The following RPN2 variants were observed in gnomAD, a reference collection of about 807,000 sequenced individuals.
RPN2 encodes dolichyl-diphosphooligosaccharide--protein glycosyltransferase subunit 2.
In RPN2, 29 loss-of-function variants were observed where a neutral mutation model predicts 71.4. The ratio of observed to expected loss-of-function variants is 0.41; its 90% CI spans 0.30 to 0.55. RPN2 has a LOEUF of 0.55. RPN2 is among the 20% of genes least tolerant of loss of function. The pLI is 0.35. For missense variants in RPN2, 726 were observed against 774.1 expected, an observed-to-expected ratio of 0.94 and a Z score of 0.74; for synonymous variants, 308 against 305.0, an observed-to-expected ratio of 1.01 and a Z score of -0.10.
chr20:37,191,800 T>C (rs959230687), intron 2 of RPN2, among the ~76,000 whole-genome samples: 6 of 152,086 alleles, frequency 3.9e-5, no homozygotes, highest in African/African-American at 1.4e-4. Context: ...ATTAAGAACA[T>C]GCTGGGCACA....
intron 2 of RPN2, among the ~76,000 whole-genome samples, chr20:37,191,380 G>T (rs1204583976): frequency 2.0e-5 from 3 of 151,636 alleles, no homozygotes; most frequent in Non-Finnish European, 4.4e-5. Flanking sequence ...GGAGGCCGAG[G>T]CAGGAGAATT....
At chr20:37,185,240 A>G (rs545592511) in intron 2 of RPN2, among the ~76,000 whole-genome samples, 1 of 151,552 alleles carries the variant, frequency 6.6e-6, no homozygotes, top group Admixed American at 6.6e-5. Flanking sequence ...CCTGGGCTCA[A>G]GCCATCCACC....
At chr20:37,226,286 T>C (rs2068075031) in intron 11 of RPN2, among the ~76,000 whole-genome samples, 1 of 152,174 alleles carries the variant, frequency 6.6e-6, no homozygotes, top group South Asian at 2.1e-4. Flanking sequence ...TTGGCCAGGC[T>C]GTTCTCATCT....
At chr20:37,239,643 A>G (rs6073777) in intron 16 of RPN2, among the ~76,000 whole-genome samples, 49,834 of 151,972 alleles carry the variant, frequency 0.33, 10,076 homozygotes, top group South Asian at 0.46. Context: ...ATCTGCAGAA[A>G]AATGTACCCT....
intron 6 of RPN2, among the ~76,000 whole-genome samples, chr20:37,205,211 T>G (rs1267156183): frequency 6.6e-6 from 1 of 151,916 alleles, no homozygotes; most frequent in Non-Finnish European, 1.5e-5. Context: ...CAGTACCCTT[T>G]TCTGCTTGTC....
chr20:37,184,291 AT>A lies in RPN2; in HGVS notation c.126del (p.Arg43AlafsTer90). 6.2e-7 allele frequency: 1 copy of A among 1,614,170 alleles called. No individual in the cohort carries two copies. Among genetic ancestry groups the A allele is most frequent in the Non-Finnish European group, 8.5e-7 (1 of 1,180,024 alleles). On this transcript the variant is annotated frameshift_variant, in exon 2 of 17. Transcript: ENST00000237530. LOFTEE classifies it high-confidence loss of function. ...GTGGAGAGACTAAAAGCCTCGCTGG[AT>A]CGCCCTTTCACAAATTTGGAATCTG... Reference protein sequence around the residue: ...HDVERLKASLDRPFTNLESAF... With the variant: ...HDVERLKASLXRPFTNLESAF...
At chr20:37,228,839 C>G in intron 12 of RPN2, 95 bp downstream of exon 12, 1 of 1,145,200 alleles carries the variant, frequency 8.7e-7, no homozygotes, top group Non-Finnish European at 1.3e-6. Context: ...TCACCTTCGC[C>G]TTGCCTGTGC....
rs146714866 is a variant in RPN2, at chr20:37,198,625, AT to A, written c.303+143del. ...TGTGAGTGGGAATTCCATTCCTGTG[AT>A]TTTTTTTTTCCTTAAGAAAGTATAG... On this transcript the variant is annotated intron_variant, in intron 3 of 16. Transcript: ENST00000237530. 1.5e-3 allele frequency: 1,860 copies of A among 1,221,546 alleles called. 27 individuals carry two copies. In the African/African-American group the frequency reaches 0.025, roughly 17 times the overall value. 75.7% of individuals were successfully genotyped at this position (1,221,546 alleles called of 1,614,324 possible).
chr20:37,186,901 C>A lies in RPN2; in HGVS notation c.207+2528C>A, dbSNP rs1436440321. Among the ~76,000 whole-genome samples, 38 of 152,164 alleles carry A rather than the reference C, an allele frequency of 2.5e-4. 1 individual carries two copies. The highest frequency in any genetic ancestry group is 4.4e-5 in the Non-Finnish European group (3 of 68,028). ...CTTCATGATGTTTTTGAACATATTT[C>A]CCTATCCTTTGTATCCCTGTAAACT... On this transcript the variant is annotated intron_variant, in intron 2 of 16. Transcript: ENST00000237530.
At chr20:37,219,756 T>C (rs749959310) in intron 9 of RPN2, among the ~76,000 whole-genome samples, 4 of 152,238 alleles carry the variant, frequency 2.6e-5, no homozygotes, top group Non-Finnish European at 5.9e-5. Context: ...TGGTGTGATG[T>C]AGGGGGTCCA....
rs1244440111 is a variant in RPN2, at chr20:37,213,793, A to T, written c.1020A>T (p.Lys340Asn). The change falls in exon 9 of 17, where the codon AAA becomes AAT. Residue 340 changes from lysine to asparagine, a missense_variant. Transcript: ENST00000237530. ...TTGAACTAAATTTCATGAACGTCAA[A>T]TTTTCCAGTGGTTATTATGACTTCC... Reference protein sequence around the residue: ...DVFELNFMNVKFSSGYYDFLV... With the variant: ...DVFELNFMNVNFSSGYYDFLV... 2 of 1,614,124 alleles carry T rather than the reference A, an allele frequency of 1.2e-6. No individual in the cohort carries two copies.
chr20:37,211,863 A>G (rs1245647066), intron 8 of RPN2, among the ~76,000 whole-genome samples: 1 of 151,698 alleles, frequency 6.6e-6, no homozygotes, highest in Non-Finnish European at 1.5e-5. Context: ...CCAGCCTCCT[A>G]AGTAGCTGGG....
At chr20:37,193,829 G>A (rs939899681) in intron 2 of RPN2, among the ~76,000 whole-genome samples, 8 of 152,164 alleles carry the variant, frequency 5.3e-5, no homozygotes, top group African/African-American at 1.9e-4. Flanking sequence ...AGAAGTCTGG[G>A]CTGGAGGTAC....
At chr20:37,211,513 C>T (rs1055597072) in intron 8 of RPN2, among the ~76,000 whole-genome samples, 11 of 151,324 alleles carry the variant, frequency 7.3e-5, no homozygotes, top group East Asian at 4.0e-4. Flanking sequence ...TGGTGGTGCA[C>T]GCCTGTATTC....
intron 4 of RPN2, 62 bp from the exon 5 acceptor site, chr20:37,203,823 G>C (rs1340763057): frequency 1.7e-6 from 2 of 1,143,680 alleles, no homozygotes; most frequent in Non-Finnish European, 2.7e-6. Flanking sequence ...CCAAGTACGG[G>C]AAGGGGTGAG....
intron 9 of RPN2, among the ~76,000 whole-genome samples, chr20:37,219,034 A>T (rs1404835442): frequency 6.6e-6 from 1 of 152,160 alleles, no homozygotes; most frequent in African/African-American, 2.4e-5. Flanking sequence ...TTTCAGGTAT[A>T]TGCTTAGGAA....
At chr20:37,234,463 T>C (rs1009996644) in intron 15 of RPN2, among the ~76,000 whole-genome samples, 3 of 152,222 alleles carry the variant, frequency 2.0e-5, no homozygotes, top group African/African-American at 7.2e-5. Context: ...ACGCTATCGA[T>C]CTTCACATTT....
chr20:37,182,286 G>A (rs1349156854), intron 1 of RPN2, among the ~76,000 whole-genome samples: 1 of 151,794 alleles, frequency 6.6e-6, no homozygotes. Flanking sequence ...TAGAGACAGG[G>A]TTTCACCATG....
intron 4 of RPN2, among the ~76,000 whole-genome samples, chr20:37,200,056 G>A (rs1011872591): frequency 6.6e-6 from 1 of 151,466 alleles, no homozygotes; most frequent in Non-Finnish European, 1.5e-5. Flanking sequence ...GTGCAGTGAC[G>A]CGATCTCAGT....
Sources: allele counts gnomAD v4.1 joint callset (sites outside exome capture counted in the v4.1 genomes callset), GRCh38; gene constraint gnomAD v4.1.1; transcripts MANE v1.5; gene names NCBI Gene and HGNC (gene_info 2026-07-23, HGNC 2026-07-21).